Variants in BTRC observed in about 807,000 individuals in gnomAD.
The protein encoded by BTRC is beta-transducin repeat containing E3 ubiquitin protein ligase, also known as F-box/WD repeat-containing protein 1A.
In BTRC, 42 loss-of-function variants were observed where a neutral mutation model predicts 85.5. That is an observed-to-expected ratio of 0.49 (90% CI 0.38 to 0.64). The LOEUF (loss-of-function observed/expected upper bound fraction) is 0.64. Ranked by LOEUF, BTRC falls within the 30% of genes least tolerant of loss-of-function variation. The pLI, the probability that BTRC is intolerant of heterozygous loss-of-function variation, is 0.00. For synonymous variants in BTRC, 255 were observed against 263.3 expected, an observed-to-expected ratio of 0.97 and a Z score of 0.30; for missense variants, 594 against 743.5, an observed-to-expected ratio of 0.80 and a Z score of 2.34.
chr10:101,390,439 G>A (rs1427441208), intron 1 of BTRC, among the ~76,000 whole-genome samples: 2 of 149,872 alleles, frequency 1.3e-5, no homozygotes, highest in African/African-American at 2.5e-5. Flanking sequence ...CCGGGTTCAC[G>A]CCATTCTCCT....
At position 101,487,369 on chromosome 10, in the gene BTRC, A is replaced by G. The variant is rs368406927; in HGVS notation, c.324+7912A>G. Among the ~76,000 whole-genome samples the G allele has an allele frequency of 6.5e-4, 99 of 152,322 alleles. 2 individuals are homozygous for G. The highest frequency in any genetic ancestry group is 2.3e-3 in the African/African-American group (97 of 41,566). ...AGAATATCCTGTTGCTGTGGGTATT[A>G]CCACAATAAATACTTACTTGCAGAC... is the stretch of plus-strand genomic sequence containing the variant. On this transcript the variant is annotated intron_variant, in intron 4 of 14. Transcript: ENST00000370187.
At chr10:101,461,027 C>G (rs1484123972) in intron 2 of BTRC, among the ~76,000 whole-genome samples, 1 of 151,956 alleles carries the variant, frequency 6.6e-6, no homozygotes, top group Non-Finnish European at 1.5e-5. Flanking sequence ...CTCAGACTCT[C>G]GAGTAGCTGG....
rs140033838 is a variant in BTRC, at chr10:101,409,888, A to G, written c.49-20457A>G. Among the ~76,000 whole-genome samples, 624 of 152,258 alleles carry G rather than the reference A, an allele frequency of 4.1e-3. 6 individuals carry two copies. Among genetic ancestry groups the G allele is most frequent in the African/African-American group, 0.014 (601 of 41,540 alleles). On this transcript the variant is annotated intron_variant, in intron 1 of 14. Coordinates refer to ENST00000370187, the MANE Select transcript of BTRC (RefSeq NM_033637.4). ...CTACTATGAACATGTGTATACATGT[A>G]TTTGTTTACCTGTTTTTAATTCTTT...
intron 1 of BTRC, among the ~76,000 whole-genome samples, chr10:101,421,070 G>A (rs1318966030): frequency 6.7e-6 from 1 of 150,156 alleles, no homozygotes; most frequent in Non-Finnish European, 1.5e-5. Context: ...CCCTCCAAAC[G>A]AGTTTCAGTT....
At chr10:101,389,115 GTGTGTTT>G (rs1259698980) in intron 1 of BTRC, among the ~76,000 whole-genome samples, 76 of 35,460 alleles carry the variant, frequency 2.1e-3, no homozygotes, top group African/African-American at 3.4e-3. Context: ...GATTTTTTGT[GTGTGTTT>G]TTTTTTTTTT....
intron 2 of BTRC, among the ~76,000 whole-genome samples, chr10:101,461,353 A>G (rs1246657663): frequency 6.6e-6 from 1 of 151,982 alleles, no homozygotes; most frequent in Admixed American, 6.6e-5. Context: ...GTACTTATGA[A>G]CTCATTTTCA....
At chr10:101,545,412 T>A (rs2062543477) in intron 13 of BTRC, among the ~76,000 whole-genome samples, 1 of 152,210 alleles carries the variant, frequency 6.6e-6, no homozygotes, top group Non-Finnish European at 1.5e-5. Context: ...TAACACATGT[T>A]ATAGGCTGAA....
intron 4 of BTRC, among the ~76,000 whole-genome samples, chr10:101,487,794 A>C (rs184756732): frequency 6.6e-5 from 10 of 152,284 alleles, no homozygotes; most frequent in Admixed American, 6.5e-4. Context: ...AACAGAGGGA[A>C]TGATGAAGGG....
intron 4 of BTRC, among the ~76,000 whole-genome samples, chr10:101,502,371 T>C (rs1946418715): frequency 6.6e-6 from 1 of 151,952 alleles, no homozygotes; most frequent in Non-Finnish European, 1.5e-5. Flanking sequence ...ATTGTAGCAA[T>C]AGCTCTGAAA....
intron 1 of BTRC, among the ~76,000 whole-genome samples, chr10:101,387,399 T>C (rs548758698): frequency 1.1e-4 from 16 of 151,690 alleles, no homozygotes; most frequent in Non-Finnish European, 1.5e-4. Context: ...TCTACAGTGC[T>C]GTAGAACACT....
chr10:101,432,805 C>T (rs974400309), intron 2 of BTRC, among the ~76,000 whole-genome samples: 1 of 152,202 alleles, frequency 6.6e-6, no homozygotes, highest in Non-Finnish European at 1.5e-5. Flanking sequence ...CTGTCATCCT[C>T]TCCCCATGGA....
At chr10:101,364,688 A>G (rs1355458152) in intron 1 of BTRC, among the ~76,000 whole-genome samples, 1 of 152,230 alleles carries the variant, frequency 6.6e-6, no homozygotes, top group Non-Finnish European at 1.5e-5. Context: ...GAAGTACTAC[A>G]CCAAACTGTT....
Position 101,367,065 on chromosome 10 carries a change from A to C in BTRC, c.48+12837A>C, listed in dbSNP as rs1428645742. ...ATAAATATATATATATATAAATATA[A>C]ATATATATATATATATTTTTTTCGA... On this transcript the variant is annotated intron_variant, in intron 1 of 14. Coordinates refer to ENST00000370187, the MANE Select transcript of BTRC (RefSeq NM_033637.4). Among the ~76,000 whole-genome samples, 6 of 88,628 alleles carry C rather than the reference A, an allele frequency of 6.8e-5. 1 individual carries two copies. The highest frequency in any genetic ancestry group is 1.3e-4 in the Non-Finnish European group (6 of 47,264). The allele number at this position is 88,628 out of a possible 152,430, so 58.1% of individuals were successfully genotyped here. A position where few individuals can be genotyped will look rare whatever the true frequency, so the allele number is the denominator to read the frequency against.
At chr10:101,361,282 A>AT (rs991086615) in intron 1 of BTRC, among the ~76,000 whole-genome samples, 28 of 151,282 alleles carry the variant, frequency 1.9e-4, no homozygotes, top group Admixed American at 1.6e-3. Context: ...AATTTTTTGT[A>AT]TTTTTAGTAG....
intron 1 of BTRC, among the ~76,000 whole-genome samples, chr10:101,399,405 C>A (rs969749285): frequency 3.4e-5 from 5 of 145,070 alleles, no homozygotes; most frequent in Non-Finnish European, 7.4e-5. Flanking sequence ...TCATGTATGA[C>A]TCATGACTTA....
At chr10:101,463,512 A>G (rs1437122107) in intron 3 of BTRC, among the ~76,000 whole-genome samples, 1 of 152,208 alleles carries the variant, frequency 6.6e-6, no homozygotes, top group South Asian at 2.1e-4. Context: ...ATTGGATACA[A>G]TGAGCCTGAG....
rs1234807092 is a variant in BTRC at position 101,427,100 on chromosome 10, T to G, written c.49-3245T>G. On this transcript the variant is annotated intron_variant, in intron 1 of 14. Transcript: ENST00000370187. ...AATTGCGTATGTACAGCATTTCCAT[T>G]TCTTTTTTCTTTCTTTTTTTTTTTT... Among the ~76,000 whole-genome samples, 3 of 150,156 alleles carry G rather than the reference T, an allele frequency of 2.0e-5. No homozygotes were observed. The East Asian group carries it at 5.8e-4, about 29-fold the overall frequency.
At chr10:101,451,375 C>G (rs1473031285) in intron 2 of BTRC, among the ~76,000 whole-genome samples, 21 of 152,070 alleles carry the variant, frequency 1.4e-4, no homozygotes, top group Admixed American at 1.4e-3. Context: ...ACCAGGCCAC[C>G]CAGTTACTTT....
chr10:101,548,618 G>A (rs1226601624), intron 13 of BTRC, among the ~76,000 whole-genome samples: 8 of 152,214 alleles, frequency 5.3e-5, no homozygotes, highest in East Asian at 1.9e-4. Context: ...CAAGCATGGC[G>A]GGGGGCATCT....
Sources: allele counts gnomAD v4.1 joint callset (sites outside exome capture counted in the v4.1 genomes callset), GRCh38; gene constraint gnomAD v4.1.1; transcripts MANE v1.5; gene names NCBI Gene and HGNC (gene_info 2026-07-23, HGNC 2026-07-21).